Variants in TMEM150C observed in about 807,000 individuals in gnomAD.
TMEM150C encodes tentonin 3.
A neutral mutation model predicts 29.9 loss-of-function variants in TMEM150C; 10 were observed. The ratio of observed to expected loss-of-function variants is 0.33; its 90% CI spans 0.21 to 0.57. The LOEUF is 0.57. Ranked by LOEUF, TMEM150C falls within the 20% of genes least tolerant of loss-of-function variation. The probability of loss-of-function intolerance (pLI) is 0.88; values close to 1 mark genes in which losing one functional copy is unlikely to be tolerated. For synonymous variants in TMEM150C, 101 were observed against 112.5 expected (o/e 0.90, Z 0.64); for missense variants, 251 against 303.6 (o/e 0.83, Z 1.29).
chr4:82,534,754 T>G (rs1724955558), intron 1 of TMEM150C, among the ~76,000 whole-genome samples: 1 of 152,192 alleles, frequency 6.6e-6, no homozygotes, highest in Non-Finnish European at 1.5e-5. Context: ...GTAATACACA[T>G]TAAAATTTAG....
intron 1 of TMEM150C, among the ~76,000 whole-genome samples, chr4:82,540,086 T>TCATAGTCA (rs902797083): frequency 1.4e-5 from 2 of 144,966 alleles, no homozygotes; most frequent in African/African-American, 2.5e-5. Flanking sequence ...CCCAAATAAG[T>TCATAGTCA]CATAGTCATT....
At position 82,507,555 on chromosome 4, in the gene TMEM150C, G is replaced by A. The variant is rs190675358; in HGVS notation, c.-10-2888C>T. Among the ~76,000 whole-genome samples, 293 of 152,194 alleles carry A rather than the reference G, an allele frequency of 1.9e-3. 2 individuals are homozygous for A. The highest frequency in any genetic ancestry group is 2.8e-3 in the Non-Finnish European group (192 of 68,010). On this transcript the variant is annotated intron_variant, in intron 1 of 7. Transcript: ENST00000449862. Reference sequence around the variant, plus strand: ...GAGAAACGACTCTGATGTGCTCGCTGCTCCAGGTACTGGGAAAGGATTCCA... The same window carrying A: ...GAGAAACGACTCTGATGTGCTCGCTACTCCAGGTACTGGGAAAGGATTCCA...
Position 82,561,889 on chromosome 4 carries a change from G to A in TMEM150C, c.-11+17C>T. 1.0e-6 allele frequency: 1 copy of A among 992,250 alleles called. No homozygotes were observed. The highest frequency in any genetic ancestry group is 4.4e-5 in the South Asian group (1 of 22,876). The allele number at this position is 992,250 out of a possible 1,614,324, so 61.5% of individuals were successfully genotyped here. ...CTGCGCGACGGGCCCAGGCAGGGGAGGGGGCGCCGCGCCTACCTGCTCTGG... is the reference window on the plus strand; with the variant it reads ...CTGCGCGACGGGCCCAGGCAGGGGAAGGGGCGCCGCGCCTACCTGCTCTGG... On this transcript the variant is annotated intron_variant, in intron 1 of 7. Transcript: ENST00000449862.
chr4:82,504,081 C>G (rs144671386), intron 2 of TMEM150C, among the ~76,000 whole-genome samples: 24 of 152,290 alleles, frequency 1.6e-4, no homozygotes, highest in African/African-American at 5.1e-4. Flanking sequence ...AATTATTACT[C>G]ACTCTTGTTA....
At chr4:82,533,071 C>A (rs1279845930) in intron 1 of TMEM150C, among the ~76,000 whole-genome samples, 1 of 152,124 alleles carries the variant, frequency 6.6e-6, no homozygotes, top group Non-Finnish European at 1.5e-5. Context: ...CACACTGCCA[C>A]AAAACAATGA....
chr4:82,546,490 T>C (rs1725389315), intron 1 of TMEM150C, among the ~76,000 whole-genome samples: 1 of 152,164 alleles, frequency 6.6e-6, no homozygotes, highest in Admixed American at 6.5e-5. Flanking sequence ...AAGGACTCCC[T>C]ACTCAGTAAA....
chr4:82,512,860 C>G (rs1560487214), intron 1 of TMEM150C, among the ~76,000 whole-genome samples: 1 of 152,184 alleles, frequency 6.6e-6, no homozygotes, highest in Non-Finnish European at 1.5e-5. Context: ...TACCACCTCA[C>G]CCATTAGGAT....
chr4:82,545,530 G>A (rs544270762), intron 1 of TMEM150C, among the ~76,000 whole-genome samples: 1 of 152,242 alleles, frequency 6.6e-6, no homozygotes, highest in South Asian at 2.1e-4. Flanking sequence ...CATAGTACTG[G>A]AAATCCTTGC....
At chr4:82,526,265 T>G (rs575024525) in intron 1 of TMEM150C, among the ~76,000 whole-genome samples, 1 of 152,220 alleles carries the variant, frequency 6.6e-6, no homozygotes, top group Non-Finnish European at 1.5e-5. Flanking sequence ...GATGAGGAGA[T>G]AAGGACAACT....
At chr4:82,512,319 A>G (rs540880047) in intron 1 of TMEM150C, among the ~76,000 whole-genome samples, 1 of 152,342 alleles carries the variant, frequency 6.6e-6, no homozygotes, top group South Asian at 2.1e-4. Flanking sequence ...GGTGGGAAGA[A>G]CTGAATCCTT....
At chr4:82,512,056 T>G (rs1462223911) in intron 1 of TMEM150C, among the ~76,000 whole-genome samples, 1 of 152,240 alleles carries the variant, frequency 6.6e-6, no homozygotes, top group African/African-American at 2.4e-5. Flanking sequence ...GATCTCATTT[T>G]CCTTTAACAA....
At chr4:82,507,907 T>A (rs1255206393) in intron 1 of TMEM150C, among the ~76,000 whole-genome samples, 1 of 151,480 alleles carries the variant, frequency 6.6e-6, no homozygotes, top group Non-Finnish European at 1.5e-5. Flanking sequence ...CCACCACACC[T>A]GGCTAATTTT....
At chr4:82,531,151 G>A (rs1173178443) in intron 1 of TMEM150C, among the ~76,000 whole-genome samples, 1 of 152,186 alleles carries the variant, frequency 6.6e-6, no homozygotes, top group Non-Finnish European at 1.5e-5. Flanking sequence ...TGGAGACTTA[G>A]TAAGGAGTAA....
chr4:82,529,444 T>C (rs1724766152), intron 1 of TMEM150C, among the ~76,000 whole-genome samples: 1 of 152,040 alleles, frequency 6.6e-6, no homozygotes. Flanking sequence ...ATATGTGCCA[T>C]GCTTGACTAA....
chr4:82,493,376 A>G (rs1723434170), intron 6 of TMEM150C, among the ~76,000 whole-genome samples: 1 of 152,186 alleles, frequency 6.6e-6, no homozygotes, highest in African/African-American at 2.4e-5. Context: ...TCTTTAAAAA[A>G]GATAATATAG....
At chr4:82,505,426 T>G (rs1723887741) in intron 1 of TMEM150C, among the ~76,000 whole-genome samples, 1 of 152,212 alleles carries the variant, frequency 6.6e-6, no homozygotes, top group South Asian at 2.1e-4. Context: ...TGGGTTAGGT[T>G]AGGACTTTCG....
intron 1 of TMEM150C, among the ~76,000 whole-genome samples, chr4:82,530,548 C>T (rs538333635): frequency 1.8e-3 from 271 of 152,264 alleles, no homozygotes; most frequent in Non-Finnish European, 2.8e-3. Context: ...CAAAGCGAGA[C>T]TCTGTCTCAA....
chr4:82,512,058 C>T (rs1350225991), intron 1 of TMEM150C, among the ~76,000 whole-genome samples: 1 of 152,176 alleles, frequency 6.6e-6, no homozygotes, highest in Non-Finnish European at 1.5e-5. Context: ...TCTCATTTTC[C>T]TTTAACAAGT....
At chr4:82,549,715 C>T (rs1335196213) in intron 1 of TMEM150C, among the ~76,000 whole-genome samples, 2 of 152,152 alleles carry the variant, frequency 1.3e-5, no homozygotes, top group Non-Finnish European at 2.9e-5. Flanking sequence ...TTTTTGTAAT[C>T]ATCTCTTTAT....
Sources: allele counts gnomAD v4.1 joint callset (sites outside exome capture counted in the v4.1 genomes callset), GRCh38; gene constraint gnomAD v4.1.1; transcripts MANE v1.5; gene names NCBI Gene and HGNC (gene_info 2026-07-23, HGNC 2026-07-21).